The following FBRSL1 variants were observed in gnomAD, a reference collection of about 807,000 sequenced individuals.
FBRSL1 encodes the protein fibrosin like 1.
Under a neutral mutation model 89.6 loss-of-function variants are expected in FBRSL1, and 51 were observed. That is an observed-to-expected ratio of 0.57 (90% CI 0.45 to 0.72). The LOEUF is 0.72. Among genes scored for constraint, FBRSL1 ranks in the 30% least tolerant of loss-of-function variants. The pLI, the probability that FBRSL1 is intolerant of heterozygous loss-of-function variation, is 0.00. For synonymous variants in FBRSL1, 779 were observed against 681.1 expected (o/e 1.14, Z -2.24); for missense variants, 1,618 against 1,451.8 (o/e 1.11, Z -1.86).
chr12:132,570,938 G>A (rs1033496775), intron 8 of FBRSL1, 130 bp from the exon 9 acceptor site: 19 of 567,494 alleles, frequency 3.3e-5, no homozygotes, highest in Non-Finnish European at 4.2e-5. Context: ...GGCGCTTCCT[G>A]AGGCTCCGAG....
chr12:132,576,802 A>G lies in FBRSL1; in HGVS notation c.1705A>G (p.Met569Val). ...CTCACCCGTTCTATCCTCCCAGGAG[A>G]TGCAGCTGGACCCCCACAAGCTGGA... ...IYRHQQKIKEMQLDPHKLEVG... is the reference protein window; with the variant it reads ...IYRHQQKIKEVQLDPHKLEVG... The change falls in exon 15 of 19, where the codon ATG (methionine) becomes GTG (valine). Residue 569 changes from methionine (M) to valine (V), a missense_variant. By Grantham distance (21) the Met-to-Val change is conservative. Coordinates refer to ENST00000680143, the MANE Select transcript of FBRSL1 (RefSeq NM_001367871.1). 6.4e-7 allele frequency: 1 copy of G among 1,550,414 alleles called. No homozygotes were observed.
chr12:132,547,482 C>T (rs183479016), intron 4 of FBRSL1, among the ~76,000 whole-genome samples: 3 of 152,364 alleles, frequency 2.0e-5, no homozygotes, highest in Non-Finnish European at 4.4e-5. Context: ...CCTCTGCCCC[C>T]GGCTGTCCTG....
chr12:132,507,251 G>C, intron 1 of FBRSL1: 1 of 985,570 alleles, frequency 1.0e-6, no homozygotes, highest in Non-Finnish European at 1.2e-6. Flanking sequence ...TTTCCTCACA[G>C]CTGTGCCCTC....
intron 5 of FBRSL1, among the ~76,000 whole-genome samples, chr12:132,560,623 G>A: frequency 6.6e-6 from 1 of 152,272 alleles, no homozygotes; most frequent in East Asian, 1.9e-4. Context: ...GCTGCGCCGC[G>A]TGTCTGGCCG....
chr12:132,582,590 G>A (rs1157864053), intron 18 of FBRSL1, among the ~76,000 whole-genome samples: 3 of 151,842 alleles, frequency 2.0e-5, no homozygotes, highest in Non-Finnish European at 2.9e-5. Context: ...GGAGGGTGAA[G>A]ACCCCACCAC....
At chr12:132,508,387 G>C in intron 2 of FBRSL1, 37 bp downstream of exon 2, 3 of 1,427,280 alleles carry the variant, frequency 2.1e-6, no homozygotes, top group Non-Finnish European at 2.8e-6. Flanking sequence ...GCTCTGCGGC[G>C]GGTCAGTGCT....
In FBRSL1 at chr12:132,570,084, A is replaced by G. The variant is rs918463518; in HGVS notation, c.850A>G (p.Asn284Asp). 1.6e-4 allele frequency: 236 copies of G among 1,487,106 alleles called. 1 individual carries two copies. The highest frequency in any genetic ancestry group is 1.9e-4 in the Non-Finnish European group (215 of 1,126,222). 92.1% of individuals were successfully genotyped at this position (1,487,106 alleles called of 1,614,324 possible). The part of the protein sequence containing the change: ...CPGPPPGSRA[N>D]PLVKKEPPAP... ...GGGGCCCCCGCCCGGCTCCCGCGCC[A>G]ATCCCTTGGTGAAGAAGGAACCCCC... Residue 284 changes from asparagine to aspartate, a missense_variant, in exon 7 of 19, where the codon AAT becomes GAT. Asn to Asp is a conservative substitution (Grantham distance 23). Transcript: ENST00000680143.
intron 1 of FBRSL1, among the ~76,000 whole-genome samples, chr12:132,504,012 C>T (rs934446439): frequency 7.9e-5 from 12 of 152,110 alleles, no homozygotes; most frequent in Admixed American, 2.0e-4. Flanking sequence ...TGAGAAGATC[C>T]CTGGGGGTTC....
chr12:132,576,870 G>C lies in FBRSL1; in HGVS notation c.1773G>C (p.Pro591=). 1.3e-6 allele frequency: 2 copies of C among 1,550,896 alleles called. No individual in the cohort carries two copies. The highest frequency in any genetic ancestry group is 1.7e-6 in the Non-Finnish European group (2 of 1,146,902). The part of the protein sequence containing the change: ...KLDLFGRPPA[P]GVFAGFHYPQ... ...ACCTGTTCGGCAGACCCCCTGCCCC[G>C]GGCGTGTTTGCAGGCTTCCACTACC... The change falls in exon 15 of 19, where the codon CCG becomes CCC. Residue 591 remains proline, a synonymous_variant. Coordinates refer to ENST00000680143, the MANE Select transcript of FBRSL1 (RefSeq NM_001367871.1).
intron 4 of FBRSL1, among the ~76,000 whole-genome samples, chr12:132,534,352 C>T (rs2036541150): frequency 6.6e-6 from 1 of 152,254 alleles, no homozygotes; most frequent in South Asian, 2.1e-4. Flanking sequence ...TCTGACTCCT[C>T]CACCTGTGGT....
At chr12:132,567,572 C>G in intron 6 of FBRSL1, 46 bp downstream of exon 6, 4 of 1,530,368 alleles carry the variant, frequency 2.6e-6, no homozygotes, top group Non-Finnish European at 1.8e-6. Flanking sequence ...TGAAGAGACA[C>G]AATGCGCCCT....
At chr12:132,569,219 G>T (rs1303983910) in intron 6 of FBRSL1, among the ~76,000 whole-genome samples, 1 of 152,032 alleles carries the variant, frequency 6.6e-6, no homozygotes, top group Non-Finnish European at 1.5e-5. Flanking sequence ...GCGGGGGTGG[G>T]GGGGGCAGGC....
Position 132,509,640 on chromosome 12 carries a change from C to T in FBRSL1, c.489+1290C>T, listed in dbSNP as rs575968416. 3.9e-5 allele frequency: 48 copies of T among 1,231,780 alleles called. No homozygotes were observed. The Admixed American group carries it at 4.2e-4, about 11-fold the overall frequency. The allele number at this position is 1,231,780 out of a possible 1,614,324, so 76.3% of individuals were successfully genotyped here. A position where few individuals can be genotyped will look rare whatever the true frequency, so the allele number is the denominator to read the frequency against. On this transcript the variant is annotated intron_variant, in intron 2 of 18. Transcript: ENST00000680143. Reference sequence around the variant, plus strand: ...CCTCCTGGTCCCCTGCCTCTACTGCCGGCGCCTGCGGTTCCTCCTGGCCCC... The same window carrying T: ...CCTCCTGGTCCCCTGCCTCTACTGCTGGCGCCTGCGGTTCCTCCTGGCCCC...
rs1486337428 is a variant in FBRSL1, at chr12:132,581,750, G to A, written c.1922G>A (p.Ser641Asn). 21 of 1,550,042 alleles carry A rather than the reference G, an allele frequency of 1.4e-5. No homozygotes were observed. The highest frequency in any genetic ancestry group is 1.8e-5 in the Non-Finnish European group (21 of 1,146,846). Reference protein sequence around the residue: ...LPTGPLTDPFSRPSTFGGLGS... With the variant: ...LPTGPLTDPFNRPSTFGGLGS... ...GCGGTTGCCCCCACAGACCCTTTCA[G>A]CAGACCGAGCACCTTTGGGGGCCTG... is the stretch of plus-strand genomic sequence containing the variant. The change falls in exon 17 of 19, where the codon AGC becomes AAC. Residue 641 changes from serine to asparagine, a missense_variant. Ser to Asn is a conservative substitution (Grantham distance 46). Transcript: ENST00000680143.
chr12:132,581,171 G>A (rs1377169212), intron 15 of FBRSL1: 1 of 983,540 alleles, frequency 1.0e-6, no homozygotes, highest in Non-Finnish European at 1.2e-6. Flanking sequence ...TTTGCTCCGA[G>A]GGTTGCATCG....
intron 4 of FBRSL1, among the ~76,000 whole-genome samples, chr12:132,533,076 C>CTG (rs2036424317): frequency 1.3e-5 from 2 of 152,208 alleles, no homozygotes. Context: ...AGTCAGAGAG[C>CTG]CACGGTCTCC....
intron 2 of FBRSL1, among the ~76,000 whole-genome samples, chr12:132,520,920 C>T (rs2035298069): frequency 6.6e-6 from 1 of 152,214 alleles, no homozygotes; most frequent in Non-Finnish European, 1.5e-5. Flanking sequence ...AGGCAGGAAA[C>T]CAGGACCAGC....
At chr12:132,520,574 G>A (rs1402913448) in intron 2 of FBRSL1, among the ~76,000 whole-genome samples, 2 of 152,180 alleles carry the variant, frequency 1.3e-5, no homozygotes, top group Non-Finnish European at 2.9e-5. Flanking sequence ...CTGTGGGTGC[G>A]GCATCGGCTC....
chr12:132,532,922 G>T (rs905755475), intron 4 of FBRSL1, among the ~76,000 whole-genome samples: 1 of 152,188 alleles, frequency 6.6e-6, no homozygotes, highest in Non-Finnish European at 1.5e-5. Flanking sequence ...CTGGGGTCCC[G>T]CTGCCCTCGC....
Sources: allele counts gnomAD v4.1 joint callset (sites outside exome capture counted in the v4.1 genomes callset), GRCh38; gene constraint gnomAD v4.1.1; transcripts MANE v1.5; gene names NCBI Gene and HGNC (gene_info 2026-07-23, HGNC 2026-07-21).